The following KLHL7 variants were observed in gnomAD, a reference collection of about 807,000 sequenced individuals.
KLHL7 encodes kelch like family member 7.
A neutral mutation model predicts 67.4 loss-of-function variants in KLHL7; 44 were observed. That is an observed-to-expected ratio of 0.65 (90% CI 0.51 to 0.84). The LOEUF (loss-of-function observed/expected upper bound fraction) is 0.84. Among genes scored for constraint, KLHL7 ranks in the 40% least tolerant of loss-of-function variants. The probability of loss-of-function intolerance (pLI) is 0.00; values close to 1 mark genes in which losing one functional copy is unlikely to be tolerated. For synonymous variants in KLHL7, 252 were observed against 243.3 expected (o/e 1.04, Z -0.33); for missense variants, 362 against 718.1 (o/e 0.50, Z 5.67).
At chr7:23,155,952 T>C (rs571066649) in intron 7 of KLHL7, 5 of 455,288 alleles carry the variant, frequency 1.1e-5, no homozygotes, top group African/African-American at 2.0e-5. Flanking sequence ...TTTTAGTCTG[T>C]AGTTCTAATT....
At chr7:23,128,659 A>G (rs777975378) in intron 4 of KLHL7, among the ~76,000 whole-genome samples, 4 of 151,994 alleles carry the variant, frequency 2.6e-5, no homozygotes, top group South Asian at 2.1e-4. Flanking sequence ...GGTAAGTTTT[A>G]TGTGTATTTT....
chr7:23,165,917 A>G lies in KLHL7; in HGVS notation c.1156A>G (p.Thr386Ala). 1.2e-6 allele frequency: 2 copies of G among 1,614,156 alleles called. No individual in the cohort carries two copies. The highest frequency in any genetic ancestry group is 1.7e-6 in the Non-Finnish European group (2 of 1,180,006). Residue 386 changes from threonine (T) to alanine (A), a missense_variant, in exon 8 of 11, where the codon ACA becomes GCA. Physicochemically the swap from Thr to Ala is moderately conservative, Grantham distance 58. This residue lies in a region of KLHL7 where 136 missense variants were observed against 252.7 expected (regional missense o/e 0.54). Coordinates refer to ENST00000339077, the MANE Select transcript of KLHL7 (RefSeq NM_001031710.3). Reference protein sequence around the residue: ...AACAAEGKIYTSGGSEVGNSA... With the variant: ...AACAAEGKIYASGGSEVGNSA... ...ATGTGCTGCAGAAGGCAAAATTTATACATCTGGAGGTTCAGAAGTAGGTAA... is the reference window on the plus strand; with the variant it reads ...ATGTGCTGCAGAAGGCAAAATTTATGCATCTGGAGGTTCAGAAGTAGGTAA...
At chr7:23,151,848 T>G (rs1199332621) in intron 6 of KLHL7, among the ~76,000 whole-genome samples, 1 of 147,168 alleles carries the variant, frequency 6.8e-6, no homozygotes, top group African/African-American at 2.7e-5. Flanking sequence ...GGTGGGGCAG[T>G]CTTAGAATAA....
intron 9 of KLHL7, among the ~76,000 whole-genome samples, chr7:23,168,666 A>G (rs1785070169): frequency 6.6e-6 from 1 of 152,228 alleles, no homozygotes; most frequent in South Asian, 2.1e-4. Context: ...TGGAGAGGGC[A>G]TGAGGGCACG....
chr7:23,124,930 C>A, intron 3 of KLHL7, 118 bp from the exon 4 acceptor site: 1 of 1,142,768 alleles, frequency 8.8e-7, no homozygotes, highest in Non-Finnish European at 1.3e-6. Context: ...CATACTAATT[C>A]AAGGACTGAA....
At chr7:23,146,650 T>TCTC in intron 6 of KLHL7, among the ~76,000 whole-genome samples, 1 of 128,264 alleles carries the variant, frequency 7.8e-6, no homozygotes, top group African/African-American at 4.2e-5. Context: ...GAGTTCTTCT[T>TCTC]CTTCTTCTTC....
In KLHL7 at chr7:23,106,853, T is replaced by C. The variant is rs542284089; in HGVS notation, c.120+707T>C. On this transcript the variant is annotated intron_variant, in intron 1 of 10. Transcript: ENST00000339077. ...CGAAGGTGAAACAAAGAGGCTTTTTTTTTTTTTAATTCCATAACATCTACA... is the reference window on the plus strand; with the variant it reads ...CGAAGGTGAAACAAAGAGGCTTTTTCTTTTTTTAATTCCATAACATCTACA... The C allele has an allele frequency of 3.5e-5, 34 of 979,764 alleles. No homozygotes were observed. The African/African-American group carries it at 5.9e-4, about 17-fold the overall frequency. 60.7% of individuals were successfully genotyped at this position (979,764 alleles called of 1,614,324 possible). A position where few individuals can be genotyped will look rare whatever the true frequency, so the allele number is the denominator to read the frequency against.
chr7:23,158,758 A>G (rs912584232), intron 7 of KLHL7, among the ~76,000 whole-genome samples: 9 of 152,228 alleles, frequency 5.9e-5, no homozygotes, highest in African/African-American at 2.2e-4. Context: ...ACATAAGCAC[A>G]CAGCAGTTAG....
chr7:23,106,314 C>A (rs894619015), intron 1 of KLHL7, 168 bp downstream of exon 1: 42 of 1,476,728 alleles, frequency 2.8e-5, no homozygotes, highest in Non-Finnish European at 3.3e-5. Flanking sequence ...TAGAGGGGCG[C>A]GTAAAACAAT....
intron 4 of KLHL7, 152 bp downstream of exon 4, chr7:23,125,324 CT>C: frequency 1.4e-6 from 1 of 716,470 alleles, no homozygotes; most frequent in Non-Finnish European, 2.3e-6. Flanking sequence ...TTAAGAGGGG[CT>C]TAGAGAGATG....
intron 7 of KLHL7, among the ~76,000 whole-genome samples, chr7:23,164,210 A>G (rs897290707): frequency 4.6e-5 from 7 of 151,856 alleles, no homozygotes; most frequent in Admixed American, 1.3e-4. Flanking sequence ...TCAGCAAAAA[A>G]AAAAAAAAAT....
At chr7:23,145,229 C>CT (rs61242955) in intron 6 of KLHL7, among the ~76,000 whole-genome samples, 66,908 of 147,696 alleles carry the variant, frequency 0.45, 17,188 homozygotes, top group African/African-American at 0.73. Flanking sequence ...CCTTTTCTTT[C>CT]TTTTTTTTTT....
In KLHL7 at chr7:23,124,733, C is replaced by T. The variant is rs763178713; in HGVS notation, c.269C>T (p.Ala90Val). 3 of 1,612,252 alleles carry T rather than the reference C, an allele frequency of 1.9e-6. No individual in the cohort carries two copies. The highest frequency in any genetic ancestry group is 2.5e-6 in the Non-Finnish European group (3 of 1,178,332). The change falls in exon 3 of 11, where the codon GCT (alanine) becomes GTT (valine). Residue 90 changes from alanine (A) to valine (V), a missense_variant. Transcript: ENST00000339077. The stretch of plus-strand genomic sequence containing the variant: ...TCCTTTGAAGTAGAACTCAAAGATG[C>T]TGAACCTGATATTATTGAACAACTG... ...SKSFEVELKD[A>V]EPDIIEQLVE...
chr7:23,135,891 C>T (rs974035332), intron 4 of KLHL7, among the ~76,000 whole-genome samples: 1 of 152,180 alleles, frequency 6.6e-6, no homozygotes, highest in Non-Finnish European at 1.5e-5. Flanking sequence ...CCATTTGTGT[C>T]CACCCTTTTG....
At chr7:23,142,944 T>C (rs1784237990) in intron 5 of KLHL7, among the ~76,000 whole-genome samples, 1 of 152,182 alleles carries the variant, frequency 6.6e-6, no homozygotes, top group African/African-American at 2.4e-5. Flanking sequence ...TCATTAGTTA[T>C]GACAAATATA....
intron 1 of KLHL7, chr7:23,106,860 T>A (rs1024202672): frequency 2.1e-5 from 19 of 912,074 alleles, no homozygotes; most frequent in South Asian, 5.0e-5. Context: ...TTTTTTTTTT[T>A]AATTCCATAA....
At chr7:23,169,648 T>C (rs967745518) in intron 9 of KLHL7, among the ~76,000 whole-genome samples, 2 of 152,214 alleles carry the variant, frequency 1.3e-5, no homozygotes, top group Admixed American at 1.3e-4. Context: ...CAATGTAAAT[T>C]AATATTGATT....
At position 23,175,953 on chromosome 7, in the gene KLHL7, T is replaced by TAAAAAAAAAAAA. The variant is rs57658434; in HGVS notation, c.*1669_*1680dup. The stretch of plus-strand genomic sequence containing the variant: ...CCCAGCCTGGGCAACAGAGCAAGAC[T>TAAAAAAAAAAAA]AAAAAAAAAAAAAAAAAAAAAAAAA... On this transcript the variant is annotated 3_prime_UTR_variant, in exon 11 of 11. Coordinates refer to ENST00000339077, the MANE Select transcript of KLHL7 (RefSeq NM_001031710.3). 8 of 60,486 alleles carry TAAAAAAAAAAAA rather than the reference T, an allele frequency of 1.3e-4. No homozygotes were observed. The highest frequency in any genetic ancestry group is 5.7e-4 in the African/African-American group (8 of 14,158). 3.7% of individuals were successfully genotyped at this position (60,486 alleles called of 1,614,324 possible). A position where few individuals can be genotyped will look rare whatever the true frequency, so the allele number is the denominator to read the frequency against.
chr7:23,138,478 A>G (rs1271086153), intron 4 of KLHL7, among the ~76,000 whole-genome samples: 5 of 149,036 alleles, frequency 3.4e-5, no homozygotes, highest in Admixed American at 2.0e-4. Context: ...AAAAAAAAAA[A>G]AAAAAAGAAG....
Sources: gnomAD v4.1 joint callset for allele counts (sites outside exome capture counted in the v4.1 genomes callset) on GRCh38, gnomAD v4.1.1 for gene constraint, gnomAD v4.1.1 regional missense constraint, MANE v1.5 for transcripts, NCBI Gene and HGNC (gene_info 2026-07-23, HGNC 2026-07-21) for gene names.